The following ARID1B variants were observed in gnomAD, a reference collection of about 807,000 sequenced individuals.
ARID1B encodes AT-rich interaction domain 1B.
Under a neutral mutation model 212.3 loss-of-function variants are expected in ARID1B, and 30 were observed. The ratio of observed to expected loss-of-function variants is 0.14; its 90% CI spans 0.11 to 0.19. The LOEUF (loss-of-function observed/expected upper bound fraction) is 0.19, where lower values mean the gene tolerates loss of function less well. Ranked by LOEUF, ARID1B falls within the 10% of genes least tolerant of loss-of-function variation. The pLI, the probability that ARID1B is intolerant of heterozygous loss-of-function variation, is 1.00. For synonymous variants in ARID1B, 1,402 were observed against 1,301.7 expected (o/e 1.08, Z -1.66); for missense variants, 2,891 against 3,204.0 (o/e 0.90, Z 2.36).
chr6:156,954,996 C>T (rs529285967), intron 4 of ARID1B, among the ~76,000 whole-genome samples: 4 of 152,358 alleles, frequency 2.6e-5, no homozygotes, highest in African/African-American at 7.2e-5. Flanking sequence ...TGCCGTGTAT[C>T]GGAGGCGTCA....
At chr6:156,926,080 T>A (rs1791195187) in intron 3 of ARID1B, among the ~76,000 whole-genome samples, 1 of 152,206 alleles carries the variant, frequency 6.6e-6, no homozygotes, top group African/African-American at 2.4e-5. Context: ...TGTGGCTGCA[T>A]AAGGCTTCTT....
intron 8 of ARID1B, chr6:157,149,647 A>T (rs1583407189): frequency 6.6e-6 from 1 of 152,244 alleles, no homozygotes; most frequent in Non-Finnish European, 1.5e-5. Flanking sequence ...CTGGATAAAA[A>T]TAACATAATT....
intron 3 of ARID1B, among the ~76,000 whole-genome samples, chr6:156,932,857 C>A (rs191605351): frequency 1.6e-3 from 239 of 152,298 alleles, no homozygotes; most frequent in African/African-American, 5.6e-3. Context: ...AGGCAGAACA[C>A]GTTTCCTTTT....
chr6:156,909,288 G>A (rs1191761005), intron 3 of ARID1B, among the ~76,000 whole-genome samples: 1 of 151,794 alleles, frequency 6.6e-6, no homozygotes, highest in East Asian at 1.9e-4. Flanking sequence ...TCCACACCTG[G>A]CTAATTTTTG....
Position 157,094,835 on chromosome 6 carries a change from G to T in ARID1B, c.2491+9930G>T, listed in dbSNP as rs886122386. On this transcript the variant is annotated intron_variant, in intron 5 of 19. Coordinates refer to ENST00000636930, the MANE Select transcript of ARID1B (RefSeq NM_001374828.1). The surrounding 1 kb of genome is among the most constrained non-coding windows in gnomAD (Gnocchi z 4.3). Reference sequence around the variant, plus strand: ...GTAACCACGCGGAGTGTTGATGGCCGCTTGGATGTGCACATAGCGGGAGTA... The same window carrying T: ...GTAACCACGCGGAGTGTTGATGGCCTCTTGGATGTGCACATAGCGGGAGTA... Among the ~76,000 whole-genome samples the T allele has an allele frequency of 2.6e-5, 4 of 152,174 alleles. No individual in the cohort carries two copies. Among genetic ancestry groups the T allele is most frequent in the East Asian group, 1.9e-4 (1 of 5,204 alleles).
intron 4 of ARID1B, among the ~76,000 whole-genome samples, chr6:156,962,913 C>G (rs1794491859): frequency 6.6e-6 from 1 of 151,942 alleles, no homozygotes; most frequent in African/African-American, 2.4e-5. Context: ...CTCCCAGTAG[C>G]TGGGACTACA....
At chr6:156,900,922 T>C (rs569425257) in intron 2 of ARID1B, among the ~76,000 whole-genome samples, 447 of 152,384 alleles carry the variant, frequency 2.9e-3, no homozygotes, top group Non-Finnish European at 5.0e-3. Context: ...TCTGACTTTT[T>C]CATTCTGAAC....
chr6:157,169,380 T>A (rs544573859), intron 9 of ARID1B: 9 of 152,176 alleles, frequency 5.9e-5, no homozygotes, highest in Admixed American at 5.9e-4. Flanking sequence ...CAAAAAAAAA[T>A]CCTCCTGTGT....
chr6:157,063,583 G>A (rs748814183), intron 4 of ARID1B, among the ~76,000 whole-genome samples: 1 of 152,150 alleles, frequency 6.6e-6, no homozygotes, highest in Non-Finnish European at 1.5e-5. Context: ...TGGAAGAATA[G>A]TATGTTAACT....
intron 2 of ARID1B, among the ~76,000 whole-genome samples, chr6:156,876,995 A>G (rs1786615286): frequency 6.6e-6 from 1 of 152,112 alleles, no homozygotes; most frequent in African/African-American, 2.4e-5. Flanking sequence ...CGCAGGTTCA[A>G]GCGATTCTCC....
rs1348514437 is a variant in ARID1B, at chr6:156,777,798, C to A, written c.118C>A (p.Leu40Met). 2 of 961,122 alleles carry A rather than the reference C, an allele frequency of 2.1e-6. No individual in the cohort carries two copies. The highest frequency in any genetic ancestry group is 1.2e-4 in the East Asian group (1 of 8,524). 59.5% of individuals were successfully genotyped at this position (961,122 alleles called of 1,614,324 possible). The change falls in exon 1 of 20, where the codon CTG becomes ATG. Residue 40 changes from leucine (L) to methionine (M), a missense_variant. Leu to Met is a conservative substitution (Grantham distance 15). Coordinates refer to ENST00000636930, the MANE Select transcript of ARID1B (RefSeq NM_001374828.1). The stretch of plus-strand genomic sequence containing the variant: ...GCGGCCGGCGCCCGGAGCCCGGGAC[C>A]TGGAGGCGGGGGCGCGCGGCGCGGC... ...GPRPAPGARD[L>M]EAGARGAAAA...
At chr6:156,848,579 T>A (rs931730812) in intron 2 of ARID1B, among the ~76,000 whole-genome samples, 5 of 152,220 alleles carry the variant, frequency 3.3e-5, no homozygotes, top group African/African-American at 7.2e-5. Flanking sequence ...AGGAAAAGGA[T>A]CTTCCATGTG....
rs1201726156 is a variant in ARID1B, at chr6:156,778,161, G to A, written c.481G>A (p.Ala161Thr). ...GAAAACCGTTGGCGAAGCCCCCGCC[G>A]CGCCGCCCCACCAGCAGCACCACCA... The part of the protein sequence containing the change: ...KLKTVGEAPA[A>T]PPHQQHHHHH... Residue 161 changes from alanine to threonine, a missense_variant, in exon 1 of 20, where the codon GCG becomes ACG. Transcript: ENST00000636930. 3.2e-6 allele frequency: 5 copies of A among 1,542,050 alleles called. No individual in the cohort carries two copies. Among genetic ancestry groups the A allele is most frequent in the Admixed American group, 3.9e-5 (2 of 50,962 alleles).
At chr6:156,800,322 G>A (rs1435115260) in intron 1 of ARID1B, among the ~76,000 whole-genome samples, 1 of 152,156 alleles carries the variant, frequency 6.6e-6, no homozygotes, top group Non-Finnish European at 1.5e-5. Context: ...GGGTGTGGTG[G>A]GTCACCCCTG....
chr6:157,181,316 C>T, intron 12 of ARID1B, 138 bp downstream of exon 12: 3 of 1,101,736 alleles, frequency 2.7e-6, no homozygotes, highest in Non-Finnish European at 3.8e-6. Flanking sequence ...CTTCTTGCAA[C>T]CCACGTCTGT....
At chr6:157,173,809 A>AT in intron 9 of ARID1B, 199 bp from the exon 10 acceptor site, 1 of 485,994 alleles carries the variant, frequency 2.1e-6, no homozygotes, top group Non-Finnish European at 3.6e-6. Flanking sequence ...TTTTTTTTAG[A>AT]TAAAAAAGGA....
At chr6:157,142,037 G>C (rs549927129) in intron 7 of ARID1B, among the ~76,000 whole-genome samples, 2 of 152,274 alleles carry the variant, frequency 1.3e-5, no homozygotes, top group African/African-American at 4.8e-5. Context: ...CTACTACTCA[G>C]CACTGAAAGG....
At chr6:157,131,071 G>A (rs1327329138) in intron 6 of ARID1B, among the ~76,000 whole-genome samples, 1 of 152,176 alleles carries the variant, frequency 6.6e-6, no homozygotes, top group African/African-American at 2.4e-5. Flanking sequence ...TGGCCTTCCA[G>A]TGATGCATAA....
At chr6:157,052,780 C>T (rs981126129) in intron 4 of ARID1B, among the ~76,000 whole-genome samples, 2 of 152,114 alleles carry the variant, frequency 1.3e-5, no homozygotes, top group Non-Finnish European at 2.9e-5. Context: ...AGTGCAGTGG[C>T]GGAGTCTCGG....
Sources: allele counts gnomAD v4.1 joint callset (sites outside exome capture counted in the v4.1 genomes callset), GRCh38; gene constraint gnomAD v4.1.1; non-coding constraint Gnocchi (gnomAD v3.1); transcripts MANE v1.5; gene names NCBI Gene and HGNC (gene_info 2026-07-23, HGNC 2026-07-21).